TMEM108: variants seen among roughly 807,000 people sequenced by gnomAD.
TMEM108 encodes the protein transmembrane protein 108.
In TMEM108, 12 loss-of-function variants were observed where a neutral mutation model predicts 35.1. The ratio of observed to expected loss-of-function variants is 0.34; its 90% CI spans 0.22 to 0.55. The LOEUF (loss-of-function observed/expected upper bound fraction) is 0.55, where lower values mean the gene tolerates loss of function less well. Among genes scored for constraint, TMEM108 ranks in the 20% least tolerant of loss-of-function variants. TMEM108 has a pLI of 0.89. For missense variants in TMEM108, 680 were observed against 753.3 expected, an observed-to-expected ratio of 0.90 and a Z score of 1.14; for synonymous variants, 287 against 308.6, an observed-to-expected ratio of 0.93 and a Z score of 0.73.
intron 3 of TMEM108, among the ~76,000 whole-genome samples, chr3:133,343,527 A>G (rs1295480692): frequency 6.6e-6 from 1 of 151,938 alleles, no homozygotes; most frequent in Non-Finnish European, 1.5e-5. Context: ...CATGCAGTGG[A>G]ACACTATTAA....
At chr3:133,350,951 G>A (rs937144251) in intron 3 of TMEM108, among the ~76,000 whole-genome samples, 2 of 152,144 alleles carry the variant, frequency 1.3e-5, no homozygotes, top group African/African-American at 4.8e-5. Context: ...TTGACATCCA[G>A]GATTCCCTAA....
chr3:133,328,303 C>T (rs188076689), intron 3 of TMEM108, among the ~76,000 whole-genome samples: 3 of 152,058 alleles, frequency 2.0e-5, no homozygotes, highest in South Asian at 2.1e-4. Context: ...CATGACCTTC[C>T]GATCACAAGA....
At position 133,243,575 on chromosome 3, in the gene TMEM108, G is replaced by T. The variant is rs9832815; in HGVS notation, c.40+14224G>T. ...TCGTTCTGTCACCCAGGCTGGAGTA[G>T]AGTGGCGCGATCTCGGCTCACTGCA... On this transcript the variant is annotated intron_variant, in intron 3 of 5. Coordinates refer to ENST00000321871, the MANE Select transcript of TMEM108 (RefSeq NM_023943.4). 6.8e-3 allele frequency among the ~76,000 whole-genome samples: 1,031 copies of T among 152,008 alleles called. 5 individuals are homozygous for T. Among genetic ancestry groups the T allele is most frequent in the Non-Finnish European group, 9.6e-3 (650 of 67,944 alleles).
At chr3:133,236,838 C>T (rs530360572) in intron 3 of TMEM108, among the ~76,000 whole-genome samples, 2 of 152,050 alleles carry the variant, frequency 1.3e-5, no homozygotes, top group Non-Finnish European at 2.9e-5. Flanking sequence ...AGACCCAAAG[C>T]CCCCAACATG....
At chr3:133,070,557 A>G (rs1943663262) in intron 2 of TMEM108, among the ~76,000 whole-genome samples, 1 of 152,180 alleles carries the variant, frequency 6.6e-6, no homozygotes, top group Non-Finnish European at 1.5e-5. Context: ...AAGGAAACAC[A>G]TAATAATCCC....
intron 2 of TMEM108, among the ~76,000 whole-genome samples, chr3:133,057,877 G>A (rs919670087): frequency 1.3e-5 from 2 of 152,130 alleles, no homozygotes; most frequent in African/African-American, 2.4e-5. Flanking sequence ...TGATGATGGA[G>A]GGAGTGACTG....
intron 2 of TMEM108, among the ~76,000 whole-genome samples, chr3:133,130,335 G>A (rs1944474394): frequency 6.6e-6 from 1 of 152,164 alleles, no homozygotes; most frequent in South Asian, 2.1e-4. Flanking sequence ...TCTGGCCAGG[G>A]CTCAGCAGGG....
At chr3:133,077,394 G>C (rs1943755313) in intron 2 of TMEM108, among the ~76,000 whole-genome samples, 1 of 152,092 alleles carries the variant, frequency 6.6e-6, no homozygotes, top group Non-Finnish European at 1.5e-5. Context: ...TCTGCCCAGG[G>C]GAGGTGCCAG....
At chr3:133,138,928 C>A (rs1177756117) in intron 2 of TMEM108, among the ~76,000 whole-genome samples, 3 of 151,918 alleles carry the variant, frequency 2.0e-5, no homozygotes, top group Non-Finnish European at 4.4e-5. Flanking sequence ...CTCCCCACCC[C>A]CCAACAGGCC....
At chr3:133,207,084 A>G (rs930514599) in intron 2 of TMEM108, among the ~76,000 whole-genome samples, 2 of 152,166 alleles carry the variant, frequency 1.3e-5, no homozygotes, top group Non-Finnish European at 2.9e-5. Context: ...TGAACTTCCC[A>G]GTGGCTTTGT....
chr3:133,044,201 G>T (rs1943308127), intron 1 of TMEM108, among the ~76,000 whole-genome samples: 1 of 152,122 alleles, frequency 6.6e-6, no homozygotes, highest in Admixed American at 6.5e-5. Flanking sequence ...ATTATGTTAT[G>T]TAATGTCAAT....
Position 133,131,695 on chromosome 3 carries a change from G to A in TMEM108, c.-47+85675G>A, listed in dbSNP as rs73211523. Among the ~76,000 whole-genome samples, 1,479 of 151,664 alleles carry A rather than the reference G, an allele frequency of 9.8e-3. 11 individuals carry two copies. The highest frequency in any genetic ancestry group is 0.031 in the Middle Eastern group (9 of 294). ...TTAATAACCCTAAAATGGCCTCTAA[G>A]TGTAGGAAGCCTTGTTGAAAGCCTA... On this transcript the variant is annotated intron_variant, in intron 2 of 5. Coordinates refer to ENST00000321871, the MANE Select transcript of TMEM108 (RefSeq NM_023943.4).
At chr3:133,243,022 C>T (rs1161371255) in intron 3 of TMEM108, among the ~76,000 whole-genome samples, 3 of 152,210 alleles carry the variant, frequency 2.0e-5, no homozygotes, top group Non-Finnish European at 2.9e-5. Context: ...AAGAATCACC[C>T]AGGGAAGCAA....
intron 4 of TMEM108, chr3:133,386,847 A>T: frequency 1.6e-6 from 1 of 625,772 alleles, no homozygotes; most frequent in Non-Finnish European, 2.0e-6. Flanking sequence ...AAGTTGCAGT[A>T]ATTAGTTGGG....
At chr3:133,211,028 G>A (rs1366888285) in intron 2 of TMEM108, among the ~76,000 whole-genome samples, 1 of 152,172 alleles carries the variant, frequency 6.6e-6, no homozygotes, top group Non-Finnish European at 1.5e-5. Context: ...AACGGGGAAT[G>A]AGGCCCCAGA....
At position 133,395,823 on chromosome 3, in the gene TMEM108, C is replaced by T. The variant is rs202090188; in HGVS notation, c.1606-41C>T. 9.4e-6 allele frequency: 14 copies of T among 1,494,332 alleles called. No homozygotes were observed. The East Asian group carries it at 3.3e-4, about 35-fold the overall frequency. The allele number at this position is 1,494,332 out of a possible 1,614,324, so 92.6% of individuals were successfully genotyped here. On this transcript the variant is annotated intron_variant, in intron 5 of 5. Transcript: ENST00000321871. Reference sequence around the variant, plus strand: ...TCTTTAAGAATGGCCACCTCTTAAGCCTTCTCCAGCTCACTCCATCTCCTC... The same window carrying T: ...TCTTTAAGAATGGCCACCTCTTAAGTCTTCTCCAGCTCACTCCATCTCCTC...
chr3:133,337,116 G>A (rs926199056), intron 3 of TMEM108, among the ~76,000 whole-genome samples: 3 of 152,148 alleles, frequency 2.0e-5, no homozygotes, highest in Non-Finnish European at 4.4e-5. Flanking sequence ...CCCACCTGGG[G>A]CCTGGAGAAA....
Position 133,342,544 on chromosome 3 carries a change from G to GTGTATATATATATATATATATATA in TMEM108, c.41-37207_41-37206insGTATATATATATATATATATATAT, listed in dbSNP as rs1437254898. Among the ~76,000 whole-genome samples the GTGTATATATATATATATATATATA allele has an allele frequency of 9.0e-4, 42 of 46,646 alleles. 9 individuals carry two copies. The highest frequency in any genetic ancestry group is 1.9e-3 in the East Asian group (5 of 2,592). 30.6% of individuals were successfully genotyped at this position (46,646 alleles called of 152,430 possible). A position where few individuals can be genotyped will look rare whatever the true frequency, so the allele number is the denominator to read the frequency against. ...TAAAAAAGTTAAAAAAGAAAATGTG[G>GTGTATATATATATATATATATATA]TATATATATATACACACACACACAC... On this transcript the variant is annotated intron_variant, in intron 3 of 5. Coordinates refer to ENST00000321871, the MANE Select transcript of TMEM108 (RefSeq NM_023943.4).
At chr3:133,311,491 A>G (rs976226263) in intron 3 of TMEM108, among the ~76,000 whole-genome samples, 1 of 151,968 alleles carries the variant, frequency 6.6e-6, no homozygotes, top group Admixed American at 6.6e-5. Flanking sequence ...CCTTTCTTCC[A>G]CTTGATCGAA....
Sources: gnomAD v4.1 joint callset for allele counts (sites outside exome capture counted in the v4.1 genomes callset) on GRCh38, gnomAD v4.1.1 for gene constraint, MANE v1.5 for transcripts, NCBI Gene and HGNC (gene_info 2026-07-23, HGNC 2026-07-21) for gene names.